Variants in LRPPRC observed in about 807,000 individuals in gnomAD.
LRPPRC encodes leucine-rich PPR motif-containing protein, mitochondrial.
LRPPRC carries 120 observed loss-of-function variants against 180.3 expected under a neutral mutation model. The ratio of observed to expected loss-of-function variants is 0.67; its 90% CI spans 0.57 to 0.77. LRPPRC has a LOEUF of 0.77. Ranked by LOEUF, LRPPRC falls within the 30% of genes least tolerant of loss-of-function variation. The pLI is 0.00. For synonymous variants in LRPPRC, 723 were observed against 600.0 expected (o/e 1.21, Z -3.00); for missense variants, 2,012 against 1,657.2 (o/e 1.21, Z -3.72).
intron 25 of LRPPRC, among the ~76,000 whole-genome samples, chr2:43,928,418 T>A (rs777056722): frequency 6.6e-6 from 1 of 152,198 alleles, no homozygotes; most frequent in African/African-American, 2.4e-5. Context: ...CAAGGAAGAT[T>A]ATCCTGAATT....
intron 29 of LRPPRC, among the ~76,000 whole-genome samples, chr2:43,914,215 G>A (rs1472944667): frequency 6.6e-6 from 1 of 152,010 alleles, no homozygotes; most frequent in Non-Finnish European, 1.5e-5. Context: ...TTAACTTGGT[G>A]TGGCTGTGTA....
chr2:43,901,156 A>T (rs1027108189), intron 32 of LRPPRC, among the ~76,000 whole-genome samples, 164 bp downstream of exon 32: 1 of 152,224 alleles, frequency 6.6e-6, no homozygotes, highest in Non-Finnish European at 1.5e-5. Context: ...AAGAAAAAAC[A>T]TATTTTTCAA....
At chr2:43,979,410 A>C (rs1312577505) in intron 3 of LRPPRC, among the ~76,000 whole-genome samples, 1 of 152,148 alleles carries the variant, frequency 6.6e-6, no homozygotes, top group Non-Finnish European at 1.5e-5. Context: ...TAATTTATTT[A>C]CCTAATCCCC....
intron 27 of LRPPRC, among the ~76,000 whole-genome samples, chr2:43,922,281 T>G (rs367643414): frequency 2.0e-5 from 3 of 152,344 alleles, no homozygotes; most frequent in Non-Finnish European, 4.4e-5. Context: ...CACAGTTCCA[T>G]GGGTGTTGGC....
At chr2:43,914,665 C>A (rs1158943545) in intron 29 of LRPPRC, among the ~76,000 whole-genome samples, 5 of 151,790 alleles carry the variant, frequency 3.3e-5, no homozygotes, top group African/African-American at 9.7e-5. Flanking sequence ...GAGGCAGAGG[C>A]TGCAGTGAGC....
In LRPPRC at chr2:43,939,116, C is replaced by CA. The variant is rs34124728; in HGVS notation, c.2505-4239dup. On this transcript the variant is annotated intron_variant, in intron 23 of 37. Coordinates refer to ENST00000260665, the MANE Select transcript of LRPPRC (RefSeq NM_133259.4). ...TGAAACCCCGTCTCCACTAAAAATA[C>CA]AAAAAAAAAAAAAAAAATAGCTGGC... Among the ~76,000 whole-genome samples the CA allele has an allele frequency of 5.3e-3, 678 of 128,204 alleles. 1 individual carries two copies. Among genetic ancestry groups the CA allele is most frequent in the Admixed American group, 0.012 (154 of 13,088 alleles). 84.1% of individuals were successfully genotyped at this position (128,204 alleles called of 152,430 possible). A position where few individuals can be genotyped will look rare whatever the true frequency, so the allele number is the denominator to read the frequency against.
intron 29 of LRPPRC, among the ~76,000 whole-genome samples, chr2:43,915,232 TCACA>T (rs375631611): frequency 3.8e-3 from 197 of 51,690 alleles, no homozygotes; most frequent in South Asian, 7.2e-3. Context: ...TCTCTCTCTC[TCACA>T]CACACACACA....
At chr2:43,908,270 A>G (rs1280548561) in intron 30 of LRPPRC, among the ~76,000 whole-genome samples, 1 of 152,186 alleles carries the variant, frequency 6.6e-6, no homozygotes, top group Non-Finnish European at 1.5e-5. Flanking sequence ...TGCTCTTTGA[A>G]TCAGTGGTTT....
At chr2:43,917,201 C>T (rs1329431488) in intron 29 of LRPPRC, among the ~76,000 whole-genome samples, 8 of 151,684 alleles carry the variant, frequency 5.3e-5, no homozygotes, top group Non-Finnish European at 8.8e-5. Flanking sequence ...CCAACATGCC[C>T]GGCTAATTTT....
Position 43,963,663 on chromosome 2 carries a change from A to T in LRPPRC, c.1413T>A (p.His471Gln). 1.2e-6 allele frequency: 2 copies of T among 1,610,730 alleles called. No homozygotes were observed. Among genetic ancestry groups the T allele is most frequent in the Non-Finnish European group, 1.7e-6 (2 of 1,177,062 alleles). ...AATCTGTATATGTTTCCTGATCAGG[A>T]TGTACTCCCAATTCTTGCATTCCTT... ...ILKGMQELGV[H>Q]PDQETYTDYV... The change falls in exon 12 of 38, where the codon CAT becomes CAA. Residue 471 changes from histidine to glutamine, a missense_variant. Coordinates refer to ENST00000260665, the MANE Select transcript of LRPPRC (RefSeq NM_133259.4).
At chr2:43,971,098 C>CA (rs140508221) in intron 11 of LRPPRC, among the ~76,000 whole-genome samples, 29,057 of 126,002 alleles carry the variant, frequency 0.23, 3,683 homozygotes, top group African/African-American at 0.39. Flanking sequence ...GAAACTGTGT[C>CA]AAAAAAAAAA....
chr2:43,942,136 G>T (rs1031150606), intron 23 of LRPPRC, among the ~76,000 whole-genome samples: 2 of 152,020 alleles, frequency 1.3e-5, no homozygotes, highest in African/African-American at 4.8e-5. Flanking sequence ...ACCTCTTTCG[G>T]AAAGCTTTCA....
intron 6 of LRPPRC, 68 bp downstream of exon 6, chr2:43,976,075 G>A (rs903914377): frequency 7.8e-6 from 7 of 897,030 alleles, no homozygotes; most frequent in Non-Finnish European, 7.5e-6. Flanking sequence ...CAAAAAAGGA[G>A]TAAAATGACC....
In LRPPRC at chr2:43,935,028, A is replaced by G. The variant is rs551226531; in HGVS notation, c.2505-150T>C. 11 of 602,760 alleles carry G rather than the reference A, an allele frequency of 1.8e-5. No individual in the cohort carries two copies. The East Asian group carries it at 2.8e-4, about 15-fold the overall frequency. The allele number at this position is 602,760 out of a possible 1,614,324, so 37.3% of individuals were successfully genotyped here. ...AAAACCACAAAGCTAAAATGGGGGA[A>G]AAAAAGAAACAATCTTTATATATAA... On this transcript the variant is annotated intron_variant, in intron 23 of 37. Coordinates refer to ENST00000260665, the MANE Select transcript of LRPPRC (RefSeq NM_133259.4).
At position 43,947,730 on chromosome 2, in the gene LRPPRC, CT is replaced by C; in HGVS notation, c.1965del (p.Thr656LeufsTer16). 6.4e-7 allele frequency: 1 copy of C among 1,554,196 alleles called. No individual in the cohort carries two copies. Among genetic ancestry groups the C allele is most frequent in the Non-Finnish European group, 8.9e-7 (1 of 1,125,866 alleles). ...LVESKNLDFQ[K>X]TVQLTSSELE... ...TAGAATCTAGTCAAAATCCTACTTA[CT>C]TTTTGAAAGTCTAAATTCTTACTCT... On this transcript the variant is annotated frameshift_variant and splice_region_variant, in exon 19 of 38. Coordinates refer to ENST00000260665, the MANE Select transcript of LRPPRC (RefSeq NM_133259.4). LOFTEE classifies it high-confidence loss of function.
At chr2:43,919,308 A>T (rs1324451879) in intron 27 of LRPPRC, among the ~76,000 whole-genome samples, 1 of 152,174 alleles carries the variant, frequency 6.6e-6, no homozygotes, top group African/African-American at 2.4e-5. Context: ...GGTACCAAAA[A>T]GGTTGGGGGC....
rs574600132 is a variant in LRPPRC at position 43,969,743 on chromosome 2, G to T, written c.1369+3864C>A. Among the ~76,000 whole-genome samples, 12 of 152,222 alleles carry T rather than the reference G, an allele frequency of 7.9e-5. No homozygotes were observed. The South Asian group carries it at 2.5e-3, about 32-fold the overall frequency. On this transcript the variant is annotated intron_variant, in intron 11 of 37. Coordinates refer to ENST00000260665, the MANE Select transcript of LRPPRC (RefSeq NM_133259.4). ...GCATCTCACTTTGTCACGCAGGCTA[G>T]ACTGCAGTGGCTACGATCAAGGCTC...
At chr2:43,896,526 A>G in intron 35 of LRPPRC, 108 bp downstream of exon 35, 1 of 717,518 alleles carries the variant, frequency 1.4e-6, no homozygotes, top group Non-Finnish European at 2.4e-6. Context: ...GAATCTCTAT[A>G]GTATTCTCAA....
chr2:43,966,179 T>C (rs1393890492), intron 11 of LRPPRC, among the ~76,000 whole-genome samples: 2 of 151,782 alleles, frequency 1.3e-5, no homozygotes, highest in Non-Finnish European at 2.9e-5. Context: ...TTGAAGCACA[T>C]GCTAAGTGAA....
Sources: allele counts gnomAD v4.1 joint callset (sites outside exome capture counted in the v4.1 genomes callset), GRCh38; gene constraint gnomAD v4.1.1; transcripts MANE v1.5; gene names NCBI Gene and HGNC (gene_info 2026-07-23, HGNC 2026-07-21).